Variants in HKDC1 observed in about 807,000 individuals in gnomAD.
HKDC1 encodes hexokinase domain containing 1, also known as hexokinase HKDC1.
HKDC1 carries 66 observed loss-of-function variants against 96.6 expected under a neutral mutation model. That is an observed-to-expected ratio of 0.68 (90% CI 0.56 to 0.84). The LOEUF is 0.84. Among genes scored for constraint, HKDC1 ranks in the 40% least tolerant of loss-of-function variants. The probability of loss-of-function intolerance (pLI) is 0.00; values close to 1 mark genes in which losing one functional copy is unlikely to be tolerated. For missense variants in HKDC1, 1,211 were observed against 1,208.1 expected (o/e 1.00, Z -0.04); for synonymous variants, 466 against 473.1 (o/e 0.98, Z 0.20).
chr10:69,240,086 TTGG>T (rs1843430832), intron 5 of HKDC1, among the ~76,000 whole-genome samples: 1 of 152,148 alleles, frequency 6.6e-6, no homozygotes, highest in Non-Finnish European at 1.5e-5. Flanking sequence ...GGTGAGGACT[TTGG>T]TGTTTTCTCC....
chr10:69,264,241 GTC>G (rs1491160690), intron 16 of HKDC1, among the ~76,000 whole-genome samples: 46 of 142,888 alleles, frequency 3.2e-4, no homozygotes, highest in African/African-American at 1.2e-3. Flanking sequence ...GTGTGTGTGT[GTC>G]TTTTTTTAAT....
intron 1 of HKDC1, among the ~76,000 whole-genome samples, chr10:69,221,539 A>G (rs879300120): frequency 1.3e-5 from 2 of 152,146 alleles, no homozygotes; most frequent in African/African-American, 2.4e-5. Flanking sequence ...AAGGTCACCA[A>G]GTATTTAGGA....
intron 2 of HKDC1, 166 bp from the exon 3 acceptor site, chr10:69,232,598 G>A (rs1016326675): frequency 1.1e-5 from 7 of 664,634 alleles, no homozygotes; most frequent in African/African-American, 9.1e-5. Context: ...GCCTTACCTC[G>A]AGGGCTCTGA....
At chr10:69,254,891 G>A (rs1256830106) in intron 12 of HKDC1, among the ~76,000 whole-genome samples, 1 of 152,258 alleles carries the variant, frequency 6.6e-6, no homozygotes, top group African/African-American at 2.4e-5. Flanking sequence ...AGGTCTGGAA[G>A]GATTAATATC....
chr10:69,250,232 C>T, intron 10 of HKDC1, 58 bp from the exon 11 acceptor site: 4 of 1,569,754 alleles, frequency 2.5e-6, no homozygotes, highest in Non-Finnish European at 3.5e-6. Context: ...CCTCTTCCTC[C>T]CAATGCCCCG....
At position 69,233,141 on chromosome 10, in the gene HKDC1, G is replaced by A. The variant is rs775860660; in HGVS notation, c.495+8G>A. The A allele has an allele frequency of 1.6e-5, 26 of 1,613,476 alleles. No individual in the cohort carries two copies. Among genetic ancestry groups the A allele is most frequent in the Middle Eastern group, 3.3e-4 (2 of 6,080 alleles). On this transcript the variant is annotated splice_region_variant and intron_variant, in intron 4 of 17. Coordinates refer to ENST00000354624, the MANE Select transcript of HKDC1 (RefSeq NM_025130.4). Reference sequence around the variant, plus strand: ...CAGACTAAACTGGAAGAGGTAAGGCGCGGAGGGAAGCAGCAGTGCAGGAAT... The same window carrying A: ...CAGACTAAACTGGAAGAGGTAAGGCACGGAGGGAAGCAGCAGTGCAGGAAT...
intron 2 of HKDC1, among the ~76,000 whole-genome samples, chr10:69,229,811 T>C (rs1369360130): frequency 1.3e-5 from 2 of 152,098 alleles, no homozygotes; most frequent in Non-Finnish European, 2.9e-5. Flanking sequence ...TGTGCCGAGG[T>C]CCCTGGGCCC....
intron 2 of HKDC1, among the ~76,000 whole-genome samples, chr10:69,228,471 A>G (rs1045146031): frequency 2.0e-5 from 3 of 152,120 alleles, no homozygotes; most frequent in Non-Finnish European, 2.9e-5. Flanking sequence ...GGTGGGGGAC[A>G]TTATTTTGCC....
chr10:69,233,920 G>A (rs970560836), intron 4 of HKDC1, among the ~76,000 whole-genome samples: 1 of 66,230 alleles, frequency 1.5e-5, no homozygotes, highest in Non-Finnish European at 3.2e-5. Context: ...AGGAATGGGG[G>A]CACTGGAGGA....
In HKDC1 at chr10:69,265,391, G is replaced by A; in HGVS notation, c.2373-194G>A. On this transcript the variant is annotated intron_variant, in intron 16 of 17. Transcript: ENST00000354624. Reference sequence around the variant, plus strand: ...CATTCACACTTTATTTTTTAAAGTTGATGGAACTTCCAGGGGTGGTGGACC... The same window carrying A: ...CATTCACACTTTATTTTTTAAAGTTAATGGAACTTCCAGGGGTGGTGGACC... 3.3e-6 allele frequency: 2 copies of A among 598,350 alleles called. 1 individual carries two copies. Among genetic ancestry groups the A allele is most frequent in the Non-Finnish European group, 5.9e-6 (2 of 340,574 alleles). The allele number at this position is 598,350 out of a possible 1,614,324, so 37.1% of individuals were successfully genotyped here.
intron 1 of HKDC1, 28 bp from the exon 2 acceptor site, chr10:69,227,179 A>G (rs1192717953): frequency 6.2e-7 from 1 of 1,612,838 alleles, no homozygotes; most frequent in South Asian, 1.1e-5. Context: ...CCCCAGCAGC[A>G]CCCCTTGGTG....
intron 10 of HKDC1, 103 bp downstream of exon 10, chr10:69,248,831 C>A: frequency 9.3e-7 from 1 of 1,077,218 alleles, no homozygotes; most frequent in Non-Finnish European, 1.3e-6. Context: ...GGGTTCACGT[C>A]TCTAATGGAG....
intron 7 of HKDC1, 28 bp downstream of exon 7, chr10:69,243,393 C>T (rs1843487485): frequency 6.5e-7 from 1 of 1,535,166 alleles, no homozygotes; most frequent in Admixed American, 2.0e-5. Flanking sequence ...GTTATCTGGG[C>T]ATCGGCACCA....
intron 5 of HKDC1, among the ~76,000 whole-genome samples, chr10:69,239,908 C>G (rs1044392405): frequency 6.6e-6 from 1 of 152,088 alleles, no homozygotes; most frequent in African/African-American, 2.4e-5. Flanking sequence ...GCATAAGCCA[C>G]ATGCCTGGCT....
intron 12 of HKDC1, among the ~76,000 whole-genome samples, chr10:69,253,633 C>T (rs980333151): frequency 6.6e-5 from 10 of 152,150 alleles, no homozygotes; most frequent in African/African-American, 1.9e-4. Flanking sequence ...AAATGCATAG[C>T]GTGGGTCTAG....
intron 12 of HKDC1, among the ~76,000 whole-genome samples, chr10:69,252,292 G>T (rs1843654630): frequency 6.6e-6 from 1 of 151,952 alleles, no homozygotes; most frequent in Non-Finnish European, 1.5e-5. Context: ...TGGAAGGATT[G>T]CTTGAGGCCA....
intron 2 of HKDC1, 98 bp downstream of exon 2, chr10:69,227,467 T>G: frequency 7.7e-6 from 10 of 1,301,330 alleles, no homozygotes; most frequent in Non-Finnish European, 9.6e-6. Flanking sequence ...CTTCTCTCTC[T>G]AGCCCTCTCT....
intron 12 of HKDC1, among the ~76,000 whole-genome samples, chr10:69,251,768 T>C (rs1031192853): frequency 5.9e-5 from 9 of 151,824 alleles, no homozygotes; most frequent in African/African-American, 2.2e-4. Context: ...CTTTTCTTTT[T>C]TTTTTTTTTG....
chr10:69,238,304 G>C (rs1441123224), intron 4 of HKDC1, among the ~76,000 whole-genome samples: 1 of 151,838 alleles, frequency 6.6e-6, no homozygotes, highest in Non-Finnish European at 1.5e-5. Context: ...GTTACACCAT[G>C]TTAGTTCTGT....
Sources: gnomAD v4.1 joint callset for allele counts (sites outside exome capture counted in the v4.1 genomes callset) on GRCh38, gnomAD v4.1.1 for gene constraint, MANE v1.5 for transcripts, NCBI Gene and HGNC (gene_info 2026-07-23, HGNC 2026-07-21) for gene names.